EPC2: variants seen among roughly 807,000 people sequenced by gnomAD.
The protein encoded by EPC2 is enhancer of polycomb 2.
Under a neutral mutation model 92.1 loss-of-function variants are expected in EPC2, and 14 were observed. That is an observed-to-expected ratio of 0.15 (90% confidence interval 0.10 to 0.24). The LOEUF (loss-of-function observed/expected upper bound fraction) is 0.24. Among genes scored for constraint, EPC2 ranks in the 10% least tolerant of loss-of-function variants. The pLI, the probability that EPC2 is intolerant of heterozygous loss-of-function variation, is 1.00. For synonymous variants in EPC2, 340 were observed against 334.7 expected (o/e 1.02, Z -0.17); for missense variants, 755 against 971.5 (o/e 0.78, Z 2.96).
At chr2:148,717,455 A>C (rs1032996550) in intron 2 of EPC2, among the ~76,000 whole-genome samples, 5 of 152,078 alleles carry the variant, frequency 3.3e-5, no homozygotes, top group African/African-American at 1.2e-4. Context: ...TGTTCTCATT[A>C]GTTTCAGAGA....
rs548119876 is a variant in EPC2 at position 148,746,033 on chromosome 2, A to G, written c.459+2266A>G. On this transcript the variant is annotated intron_variant, in intron 3 of 13. Transcript: ENST00000258484. ...TTTTTAAAAAATAAAAATACAGTTT[A>G]TTCCCTCTGGTTTTATTGTTTCTCA... 1.4e-4 allele frequency among the ~76,000 whole-genome samples: 21 copies of G among 152,044 alleles called. No individual in the cohort carries two copies. The South Asian group carries it at 2.7e-3, about 20-fold the overall frequency.
At chr2:148,658,719 A>C (rs1188044113) in intron 1 of EPC2, among the ~76,000 whole-genome samples, 1 of 151,536 alleles carries the variant, frequency 6.6e-6, no homozygotes, top group South Asian at 2.1e-4. Flanking sequence ...TAGTGGTTCA[A>C]CTCACAGTTT....
chr2:148,659,311 G>T (rs1322509262), intron 1 of EPC2, among the ~76,000 whole-genome samples: 2 of 151,972 alleles, frequency 1.3e-5, no homozygotes, highest in Non-Finnish European at 2.9e-5. Flanking sequence ...TAGAGTAAAT[G>T]ACCCTGATGA....
intron 1 of EPC2, among the ~76,000 whole-genome samples, chr2:148,652,246 T>TGATCAAAAGTTAG (rs1680703198): frequency 6.6e-6 from 1 of 152,210 alleles, no homozygotes; most frequent in Non-Finnish European, 1.5e-5. Context: ...TAATATAGCA[T>TGATCAAAAGTTAG]GATCAAAAGT....
At chr2:148,758,832 A>C (rs1016214013) in intron 4 of EPC2, among the ~76,000 whole-genome samples, 1 of 152,246 alleles carries the variant, frequency 6.6e-6, no homozygotes, top group Non-Finnish European at 1.5e-5. Context: ...TGACATGAGA[A>C]GGATACAATA....
chr2:148,656,079 T>C (rs2105352157), intron 1 of EPC2, among the ~76,000 whole-genome samples: 1 of 149,180 alleles, frequency 6.7e-6, no homozygotes, highest in East Asian at 2.0e-4. Context: ...TTTTACTCGG[T>C]AAAGTAACCA....
At chr2:148,749,565 C>T (rs182355104) in intron 3 of EPC2, among the ~76,000 whole-genome samples, 1 of 151,904 alleles carries the variant, frequency 6.6e-6, no homozygotes, top group African/African-American at 2.4e-5. Flanking sequence ...AGACCACAAG[C>T]AGTGGCAGTT....
At chr2:148,655,275 G>C (rs1001170656) in intron 1 of EPC2, among the ~76,000 whole-genome samples, 25 of 152,166 alleles carry the variant, frequency 1.6e-4, no homozygotes, top group African/African-American at 5.3e-4. Flanking sequence ...CATCTGATTT[G>C]AGAATTATGA....
At chr2:148,672,441 C>G (rs888469347) in intron 1 of EPC2, among the ~76,000 whole-genome samples, 2 of 152,036 alleles carry the variant, frequency 1.3e-5, no homozygotes, top group Non-Finnish European at 2.9e-5. Context: ...TCCCTTTGTG[C>G]TTCGTTGATT....
rs1054495008 is a variant in EPC2 at position 148,678,377 on chromosome 2, G to A, written c.154-11837G>A. ...CACCAGGGCTGCAGATGGAGCTGCC[G>A]GCTAGTCCCACACATTGCACCCGCA... is the stretch of plus-strand genomic sequence containing the variant. On this transcript the variant is annotated intron_variant, in intron 1 of 13. Transcript: ENST00000258484. 8.3e-4 allele frequency among the ~76,000 whole-genome samples: 127 copies of A among 152,218 alleles called. 1 individual carries two copies. Among genetic ancestry groups the A allele is most frequent in the Non-Finnish European group, 6.3e-4 (43 of 68,040 alleles).
chr2:148,701,755 G>A (rs1681891501), intron 2 of EPC2, among the ~76,000 whole-genome samples: 1 of 152,130 alleles, frequency 6.6e-6, no homozygotes, highest in African/African-American at 2.4e-5. Context: ...GAATGAGTTA[G>A]GAAGTGTTTT....
At chr2:148,767,287 T>C (rs1057337914) in intron 7 of EPC2, among the ~76,000 whole-genome samples, 1 of 152,010 alleles carries the variant, frequency 6.6e-6, no homozygotes, top group African/African-American at 2.4e-5. Flanking sequence ...AGCCTGAAAG[T>C]AGAGCTCACT....
At chr2:148,751,813 GTAGC>G (rs1683086949) in intron 3 of EPC2, among the ~76,000 whole-genome samples, 1 of 152,056 alleles carries the variant, frequency 6.6e-6, no homozygotes, top group South Asian at 2.1e-4. Context: ...TTGCCTCAGA[GTAGC>G]TAAAGATAAT....
At chr2:148,683,638 T>G (rs1363820586) in intron 1 of EPC2, among the ~76,000 whole-genome samples, 7 of 152,148 alleles carry the variant, frequency 4.6e-5, no homozygotes, top group African/African-American at 7.2e-5. Flanking sequence ...TGATGTTTGG[T>G]TTTCCATTCC....
At chr2:148,709,595 A>G (rs553334811) in intron 2 of EPC2, among the ~76,000 whole-genome samples, 38 of 152,366 alleles carry the variant, frequency 2.5e-4, no homozygotes, top group Non-Finnish European at 4.3e-4. Flanking sequence ...ACTTCAAACT[A>G]TACTACAAGT....
In EPC2 at chr2:148,644,788, G is replaced by C. The variant is rs1015236290; in HGVS notation, c.-230G>C. On this transcript the variant is annotated 5_prime_UTR_variant, in exon 1 of 14. Coordinates refer to ENST00000258484, the MANE Select transcript of EPC2 (RefSeq NM_015630.4). ...CATGTTGGCCATGGCGCAGGGAGCG[G>C]ATCGGGCGGGCGAGCGGCGGATCTA... Among the ~76,000 whole-genome samples, 1 of 150,766 alleles carries C rather than the reference G, an allele frequency of 6.6e-6. No individual in the cohort carries two copies. Among genetic ancestry groups the C allele is most frequent in the African/African-American group, 2.4e-5 (1 of 40,906 alleles).
rs192017816 is a variant in EPC2, at chr2:148,669,623, A to G, written c.154-20591A>G. The stretch of plus-strand genomic sequence containing the variant: ...CTTGAGCCCAGGGGATCGAGGCTGC[A>G]GTGCGCAGTGTTGGCACCAAAACAA... On this transcript the variant is annotated intron_variant, in intron 1 of 13. Coordinates refer to ENST00000258484, the MANE Select transcript of EPC2 (RefSeq NM_015630.4). 1.2e-4 allele frequency among the ~76,000 whole-genome samples: 18 copies of G among 152,294 alleles called. No individual in the cohort carries two copies. The East Asian group carries it at 3.5e-3, about 29-fold the overall frequency.
intron 3 of EPC2, among the ~76,000 whole-genome samples, chr2:148,745,002 G>T (rs1418482649): frequency 7.8e-5 from 2 of 25,518 alleles, no homozygotes; most frequent in East Asian, 2.2e-3. Context: ...CCCCCCCCCC[G>T]CACCATTTTG....
intron 2 of EPC2, among the ~76,000 whole-genome samples, chr2:148,711,590 A>G (rs1199600216): frequency 3.9e-5 from 6 of 152,200 alleles, no homozygotes; most frequent in Non-Finnish European, 8.8e-5. Flanking sequence ...ATAAATGCCA[A>G]TTAGATCAGT....
Sources: allele counts gnomAD v4.1 joint callset (sites outside exome capture counted in the v4.1 genomes callset), GRCh38; gene constraint gnomAD v4.1.1; transcripts MANE v1.5; gene names NCBI Gene and HGNC (gene_info 2026-07-23, HGNC 2026-07-21).